WNK2: variants seen among roughly 807,000 people sequenced by gnomAD.
The protein encoded by WNK2 is serine/threonine-protein kinase WNK2.
Under a neutral mutation model 192.1 loss-of-function variants are expected in WNK2, and 67 were observed. The ratio of observed to expected loss-of-function variants is 0.35; its 90% CI spans 0.29 to 0.43. WNK2 has a LOEUF of 0.43. WNK2 is among the 20% of genes least tolerant of loss of function. The pLI, the probability that WNK2 is intolerant of heterozygous loss-of-function variation, is 1.00. For missense variants in WNK2, 2,698 were observed against 3,089.7 expected (o/e 0.87, Z 3.01); for synonymous variants, 1,439 against 1,393.9 (o/e 1.03, Z -0.72).
intron 19 of WNK2, among the ~76,000 whole-genome samples, chr9:93,286,261 A>G (rs1848432894): frequency 6.6e-6 from 1 of 152,214 alleles, no homozygotes; most frequent in Non-Finnish European, 1.5e-5. Context: ...TCTGTAGTAC[A>G]GATAGCCCCC....
At chr9:93,197,811 C>T (rs1343844558) in intron 2 of WNK2, among the ~76,000 whole-genome samples, 1 of 152,206 alleles carries the variant, frequency 6.6e-6, no homozygotes, top group East Asian at 1.9e-4. Flanking sequence ...GCATGAGCCA[C>T]TGCCCGGCCC....
chr9:93,317,969 G>A (rs756572479), intron 29 of WNK2: 2 of 1,612,540 alleles, frequency 1.2e-6, no homozygotes, highest in Non-Finnish European at 8.5e-7. Flanking sequence ...CCGCGAGGGG[G>A]ACAGCGGGTG....
rs142620497 is a variant in WNK2 at position 93,240,820 on chromosome 9, G to T, written c.1542+844G>T. Reference sequence around the variant, plus strand: ...AGTAAAATCGCCACTGCCCACATGTGCTATTAAAATATAAATTAATTAAAA... The same window carrying T: ...AGTAAAATCGCCACTGCCCACATGTTCTATTAAAATATAAATTAATTAAAA... On this transcript the variant is annotated intron_variant, in intron 7 of 29. Transcript: ENST00000427277. Among the ~76,000 whole-genome samples the T allele has an allele frequency of 2.1e-3, 317 of 152,308 alleles. 2 individuals are homozygous for T. The highest frequency in any genetic ancestry group is 3.5e-3 in the Non-Finnish European group (239 of 68,032).
chr9:93,319,655 A>G (rs796241137), intron 29 of WNK2, among the ~76,000 whole-genome samples: 2 of 152,306 alleles, frequency 1.3e-5, no homozygotes, highest in African/African-American at 4.8e-5. Context: ...TTTGCTCCAG[A>G]TGGGCCGAGC....
chr9:93,290,366 AGTTATT>A (rs1849150791), intron 21 of WNK2, among the ~76,000 whole-genome samples: 1 of 150,330 alleles, frequency 6.7e-6, no homozygotes, highest in Non-Finnish European at 1.5e-5. Flanking sequence ...AAAGCTCATC[AGTTATT>A]GTTAGTGTAT....
At chr9:93,294,907 G>A (rs1377042989) in intron 23 of WNK2, among the ~76,000 whole-genome samples, 1 of 152,118 alleles carries the variant, frequency 6.6e-6, no homozygotes, top group African/African-American at 2.4e-5. Context: ...GAAAGGGTGG[G>A]GAAGATTTTC....
rs562546538 is a variant in WNK2 at position 93,239,509 on chromosome 9, A to G, written c.1323-248A>G. 3.9e-5 allele frequency among the ~76,000 whole-genome samples: 6 copies of G among 152,038 alleles called. No homozygotes were observed. Among genetic ancestry groups the G allele is most frequent in the Non-Finnish European group, 8.8e-5 (6 of 67,986 alleles). On this transcript the variant is annotated intron_variant, in intron 6 of 29. Transcript: ENST00000427277. This position sits in a 1 kb window ranked among gnomAD's most constrained non-coding sequence, Gnocchi z 4.2. ...TCCAAATCCTCTTTTGTATCATTGA[A>G]TCTTTTATGAGCATGTTTTTTTTTT...
At chr9:93,238,525 C>T (rs1564060254) in intron 6 of WNK2, among the ~76,000 whole-genome samples, 2 of 152,154 alleles carry the variant, frequency 1.3e-5, no homozygotes, top group African/African-American at 4.8e-5. Context: ...CAGGCCCTCA[C>T]GTCCTTGTTG....
At chr9:93,223,712 C>T (rs1441451114) in intron 2 of WNK2, among the ~76,000 whole-genome samples, 4 of 152,184 alleles carry the variant, frequency 2.6e-5, no homozygotes, top group African/African-American at 9.7e-5. Flanking sequence ...AGCCTGCTGG[C>T]CCCCAGCTTG....
At chr9:93,209,750 G>T (rs776045069) in intron 2 of WNK2, among the ~76,000 whole-genome samples, 2 of 152,198 alleles carry the variant, frequency 1.3e-5, no homozygotes, top group Non-Finnish European at 2.9e-5. Context: ...CCTCAAGGCA[G>T]GGTGGAGTGC....
chr9:93,278,705 A>G (rs950249447), intron 19 of WNK2, among the ~76,000 whole-genome samples: 3 of 152,244 alleles, frequency 2.0e-5, no homozygotes, highest in Non-Finnish European at 4.4e-5. Flanking sequence ...AATCCAAATT[A>G]TGAGACAGGA....
At chr9:93,210,612 A>C (rs913293860) in intron 2 of WNK2, among the ~76,000 whole-genome samples, 3 of 152,094 alleles carry the variant, frequency 2.0e-5, no homozygotes, top group Non-Finnish European at 4.4e-5. Context: ...CTGAGATCAT[A>C]CCAGGCCCTT....
At chr9:93,190,032 G>A (rs1232553746) in intron 2 of WNK2, among the ~76,000 whole-genome samples, 1 of 152,228 alleles carries the variant, frequency 6.6e-6, no homozygotes, top group African/African-American at 2.4e-5. Context: ...ATTCTCTGAA[G>A]TGCTTAATTT....
chr9:93,287,998 A>G (rs1848697963), intron 19 of WNK2, among the ~76,000 whole-genome samples: 1 of 152,144 alleles, frequency 6.6e-6, no homozygotes, highest in South Asian at 2.1e-4. Context: ...GTGAGGCGAG[A>G]TTGCACCACT....
Position 93,240,535 on chromosome 9 carries a change from T to G in WNK2, c.1542+559T>G, listed in dbSNP as rs544786321. 5.3e-5 allele frequency among the ~76,000 whole-genome samples: 8 copies of G among 152,136 alleles called. No individual in the cohort carries two copies. In the South Asian group the frequency reaches 1.7e-3, roughly 32 times the overall value. ...AGTGGGTTGGGGCTGGCAGCAGAAG[T>G]GCCGCTTTGTGCTGGGGTGTCATCG... On this transcript the variant is annotated intron_variant, in intron 7 of 29. Coordinates refer to ENST00000427277, the MANE Select transcript of WNK2 (RefSeq NM_006648.4).
At chr9:93,262,216 G>C in intron 13 of WNK2, 109 bp downstream of exon 13, 4 of 1,341,742 alleles carry the variant, frequency 3.0e-6, no homozygotes, top group Non-Finnish European at 4.0e-6. Context: ...GCTTAGCTCT[G>C]GGACAGCCAC....
At chr9:93,304,628 C>A (rs967872666) in intron 26 of WNK2, among the ~76,000 whole-genome samples, 1 of 152,122 alleles carries the variant, frequency 6.6e-6, no homozygotes, top group African/African-American at 2.4e-5. Flanking sequence ...TGGCACAGAG[C>A]GAGTGGCAGG....
chr9:93,238,371 C>G, intron 6 of WNK2, 50 bp downstream of exon 6: 2 of 1,533,408 alleles, frequency 1.3e-6, no homozygotes, highest in Non-Finnish European at 1.8e-6. Context: ...CAGCTGAACT[C>G]ATTCCAGCTT....
At chr9:93,317,445 C>T in intron 28 of WNK2, 75 bp from the exon 29 acceptor site, 1 of 1,469,366 alleles carries the variant, frequency 6.8e-7, no homozygotes, top group Non-Finnish European at 9.4e-7. Context: ...AACTGTGGCA[C>T]CCTGGGGGCC....
Sources: gnomAD v4.1 joint callset for allele counts (sites outside exome capture counted in the v4.1 genomes callset) on GRCh38, gnomAD v4.1.1 for gene constraint, Gnocchi (gnomAD v3.1) non-coding constraint, MANE v1.5 for transcripts, NCBI Gene and HGNC (gene_info 2026-07-23, HGNC 2026-07-21) for gene names.